The following TG variants were observed in gnomAD, a reference collection of about 807,000 sequenced individuals.
TG encodes the protein thyroglobulin.
Under a neutral mutation model 324.7 loss-of-function variants are expected in TG, and 270 were observed. That is an observed-to-expected ratio of 0.83 (90% CI 0.75 to 0.92). TG has a LOEUF of 0.92. TG is among the 40% of genes least tolerant of loss of function. The pLI is 0.00. For missense variants in TG, 3,591 were observed against 3,456.4 expected (o/e 1.04, Z -0.98); for synonymous variants, 1,401 against 1,327.0 (o/e 1.06, Z -1.21).
At chr8:133,104,489 T>C (rs934774289) in intron 43 of TG, among the ~76,000 whole-genome samples, 1 of 152,078 alleles carries the variant, frequency 6.6e-6, no homozygotes, top group African/African-American at 2.4e-5. Flanking sequence ...TAAAAAATGA[T>C]CAGATTTGGG....
At chr8:133,060,384 A>G in intron 41 of TG, 1 of 1,522,980 alleles carries the variant, frequency 6.6e-7, no homozygotes, top group Non-Finnish European at 8.8e-7. Context: ...AAGTTCTTTT[A>G]TCAAGGGAAT....
chr8:133,063,922 C>T (rs1842737089), intron 41 of TG, among the ~76,000 whole-genome samples: 1 of 152,208 alleles, frequency 6.6e-6, no homozygotes, highest in Non-Finnish European at 1.5e-5. Flanking sequence ...TAATCTGTGA[C>T]AATTTTATGC....
At chr8:132,871,660 G>T (rs79676842) in intron 4 of TG, 109 bp downstream of exon 4, 20,020 of 1,048,260 alleles carry the variant, frequency 0.019, 260 homozygotes, top group Non-Finnish European at 0.024. Context: ...AGAGAACCAG[G>T]CCCTCATTAG....
rs1018936629 is a variant in TG, at chr8:132,997,985, A to G, written c.6263-13916A>G. On this transcript the variant is annotated intron_variant, in intron 35 of 47. Coordinates refer to ENST00000220616, the MANE Select transcript of TG (RefSeq NM_003235.5). ...AAGGGGGATATTTCAGCATGTTCCT[A>G]TGCAAAAAGTGAAGTGTCGGTGTCG... 2.4e-4 allele frequency among the ~76,000 whole-genome samples: 37 copies of G among 152,308 alleles called. 1 individual carries two copies. Among genetic ancestry groups the G allele is most frequent in the African/African-American group, 8.7e-4 (36 of 41,564 alleles).
At chr8:132,966,464 C>CTGTG (rs138876980) in intron 29 of TG, 96 bp from the exon 30 acceptor site, 16,733 of 1,148,600 alleles carry the variant, frequency 0.015, 52 homozygotes, top group East Asian at 0.039. Context: ...CTGTCTCTCT[C>CTGTG]TCTGTGTGTG....
chr8:132,937,580 A>G (rs1823793999), intron 25 of TG, among the ~76,000 whole-genome samples: 2 of 152,134 alleles, frequency 1.3e-5, no homozygotes, highest in African/African-American at 2.4e-5. Flanking sequence ...TTCTGCTGCA[A>G]TCTTTATTCC....
Position 133,040,714 on chromosome 8 carries a change from C to T in TG, c.7239+10691C>T, listed in dbSNP as rs181516608. Among the ~76,000 whole-genome samples, 124 of 150,070 alleles carry T rather than the reference C, an allele frequency of 8.3e-4. 1 individual carries two copies. Among genetic ancestry groups the T allele is most frequent in the African/African-American group, 2.9e-3 (117 of 40,680 alleles). On this transcript the variant is annotated intron_variant, in intron 41 of 47. Transcript: ENST00000220616. ...GGAGCAGAGGAGGAATGAAAGAGGGCGAGGAGGAAAAGCAAAAGTGAGAGG... is the reference window on the plus strand; with the variant it reads ...GGAGCAGAGGAGGAATGAAAGAGGGTGAGGAGGAAAAGCAAAAGTGAGAGG...
chr8:132,884,364 G>A (rs906637314), intron 8 of TG, among the ~76,000 whole-genome samples: 6 of 152,204 alleles, frequency 3.9e-5, no homozygotes, highest in Admixed American at 6.5e-5. Flanking sequence ...GTTATGATGA[G>A]GAAGGGAAGA....
At position 132,983,889 on chromosome 8, in the gene TG, AGCCCAGGT is replaced by A. The variant is rs1464194931; in HGVS notation, c.6262+490_6262+497del. The A allele has an allele frequency of 2.5e-5, 6 of 239,378 alleles. No homozygotes were observed. The Admixed American group carries it at 3.1e-4, about 12-fold the overall frequency. 14.8% of individuals were successfully genotyped at this position (239,378 alleles called of 1,614,324 possible). On this transcript the variant is annotated intron_variant, in intron 35 of 47. Coordinates refer to ENST00000220616, the MANE Select transcript of TG (RefSeq NM_003235.5). ...ATGAAACACTGGCCCTGAGTCCAGG[AGCCCAGGT>A]GCCCAGGTGCCCGGTAACATAGCCT...
At chr8:132,994,102 T>C (rs1458766538) in intron 35 of TG, among the ~76,000 whole-genome samples, 2 of 152,174 alleles carry the variant, frequency 1.3e-5, no homozygotes, top group Non-Finnish European at 2.9e-5. Flanking sequence ...ATGATTCTCA[T>C]CTAGAATGGC....
intron 35 of TG, chr8:132,995,245 G>A: frequency 5.2e-6 from 5 of 968,864 alleles, no homozygotes; most frequent in Non-Finnish European, 6.1e-6. Flanking sequence ...TTACCTACAA[G>A]TTGAGATTTG....
At chr8:133,085,739 A>C (rs1232937948) in intron 41 of TG, among the ~76,000 whole-genome samples, 3 of 152,260 alleles carry the variant, frequency 2.0e-5, no homozygotes, top group Non-Finnish European at 2.9e-5. Context: ...TGAAGATATG[A>C]AGAAGTAAAA....
At position 132,888,148 on chromosome 8, in the gene TG, G is replaced by T. The variant is rs760209334; in HGVS notation, c.2341G>T (p.Val781Phe). The T allele has an allele frequency of 1.9e-6, 3 of 1,613,982 alleles. No homozygotes were observed. Among genetic ancestry groups the T allele is most frequent in the South Asian group, 1.1e-5 (1 of 91,074 alleles). Residue 781 changes from valine to phenylalanine, a missense_variant, in exon 10 of 48, where the codon GTC (valine) becomes TTC (phenylalanine). By Grantham distance (50) the Val-to-Phe change is conservative. Coordinates refer to ENST00000220616, the MANE Select transcript of TG (RefSeq NM_003235.5). ...GCAATGCAATGGGCCTCCTGAGCAG[G>T]TCTTCGAGTTGTACCAACGATGGGA... ...QVQCNGPPEQ[V>F]FELYQRWEAQ...
chr8:133,020,623 A>G (rs1835474164), intron 39 of TG, among the ~76,000 whole-genome samples: 1 of 152,144 alleles, frequency 6.6e-6, no homozygotes, highest in African/African-American at 2.4e-5. Flanking sequence ...TCATATTCGA[A>G]GAATCCACAG....
rs1839664453 is a variant in TG at position 132,873,241 on chromosome 8, G to A, written c.638+20G>A. On this transcript the variant is annotated intron_variant, in intron 5 of 47. Transcript: ENST00000220616. ...CAACAGGTAAGGGGAGCAGGGGTGT[G>A]CCAGTCACTGGGCCATCACCTGACG... 1.9e-6 allele frequency: 3 copies of A among 1,613,652 alleles called. No individual in the cohort carries two copies. The highest frequency in any genetic ancestry group is 1.7e-6 in the Non-Finnish European group (2 of 1,179,826).
chr8:133,095,335 C>G, intron 42 of TG, 127 bp downstream of exon 42: 1 of 1,296,206 alleles, frequency 7.7e-7, no homozygotes, highest in Non-Finnish European at 1.1e-6. Flanking sequence ...CCAACTGGAG[C>G]TGGAACTCAC....
intron 41 of TG, among the ~76,000 whole-genome samples, chr8:133,065,215 C>T (rs991249863): frequency 1.3e-5 from 2 of 152,198 alleles, no homozygotes; most frequent in African/African-American, 4.8e-5. Flanking sequence ...CATCCTCTGC[C>T]AGGCACAAAG....
chr8:133,125,892 A>C (rs555492695), intron 45 of TG, among the ~76,000 whole-genome samples: 37 of 152,336 alleles, frequency 2.4e-4, no homozygotes, highest in African/African-American at 7.7e-4. Flanking sequence ...GTGTGATGAG[A>C]AGGCATTGCA....
chr8:133,116,588 C>G (rs769053374), intron 44 of TG, 21 bp from the exon 45 acceptor site: 6 of 1,604,608 alleles, frequency 3.7e-6, no homozygotes, highest in Non-Finnish European at 5.1e-6. Context: ...CCAGACTCCC[C>G]CCATGTTCTC....
Sources: gnomAD v4.1 joint callset for allele counts (sites outside exome capture counted in the v4.1 genomes callset) on GRCh38, gnomAD v4.1.1 for gene constraint, MANE v1.5 for transcripts, NCBI Gene and HGNC (gene_info 2026-07-23, HGNC 2026-07-21) for gene names.